The following SYN2 variants were observed in gnomAD, a reference collection of about 807,000 sequenced individuals.
SYN2 encodes synapsin-2.
A neutral mutation model predicts 50.9 loss-of-function variants in SYN2; 19 were observed. The ratio of observed to expected loss-of-function variants is 0.37; its 90% CI spans 0.26 to 0.55. The LOEUF is 0.55. Among genes scored for constraint, SYN2 ranks in the 20% least tolerant of loss-of-function variants. SYN2 has a pLI of 0.81. For missense variants in SYN2, 587 were observed against 576.4 expected, an observed-to-expected ratio of 1.02 and a Z score of -0.19; for synonymous variants, 255 against 224.9, an observed-to-expected ratio of 1.13 and a Z score of -1.20.
intron 10 of SYN2, among the ~76,000 whole-genome samples, chr3:12,180,321 G>A (rs1698194123): frequency 6.6e-6 from 1 of 151,980 alleles, no homozygotes; most frequent in Non-Finnish European, 1.5e-5. Context: ...CACAAGCACT[G>A]CACTTCACAT....
chr3:12,178,570 C>T (rs1375095813), intron 10 of SYN2, among the ~76,000 whole-genome samples: 1 of 152,186 alleles, frequency 6.6e-6, no homozygotes, highest in Non-Finnish European at 1.5e-5. Flanking sequence ...AAGCAATATA[C>T]AGAAGGCATG....
chr3:12,060,463 G>C (rs1695089792), intron 1 of SYN2, among the ~76,000 whole-genome samples: 1 of 152,112 alleles, frequency 6.6e-6, no homozygotes, highest in Admixed American at 6.6e-5. Flanking sequence ...AGGGGGAAGG[G>C]GAAAGAAACT....
intron 6 of SYN2, 34 bp from the exon 7 acceptor site, chr3:12,161,978 C>T (rs2125236525): frequency 1.2e-6 from 2 of 1,612,416 alleles, no homozygotes; most frequent in East Asian, 4.5e-5. Flanking sequence ...GTGTGTGTCT[C>T]CCTTTCCCCC....
chr3:12,036,798 G>A (rs1420300729), intron 1 of SYN2, among the ~76,000 whole-genome samples: 1 of 152,076 alleles, frequency 6.6e-6, no homozygotes, highest in Admixed American at 6.5e-5. Context: ...TTTATTCTTT[G>A]CCTTTCCAGG....
At chr3:12,150,159 T>C (rs1412522084) in intron 4 of SYN2, among the ~76,000 whole-genome samples, 1 of 152,230 alleles carries the variant, frequency 6.6e-6, no homozygotes, top group Non-Finnish European at 1.5e-5. Context: ...CTTTCTCTGA[T>C]AAATAGATTT....
chr3:12,190,543 G>C lies in SYN2; in HGVS notation c.1667G>C (p.Arg556Pro), dbSNP rs772737200. ...AGCTTCTCTGAGTCCTCCTTCTTCC[G>C]GTCTTCAGCCAATGAGGATGAAGCC... ...AFSFSESSFF[R>P]SSANEDEAKA... The change falls in exon 13 of 13, where the codon CGG (arginine) becomes CCG (proline). Residue 556 changes from arginine to proline, a missense_variant. Physicochemically the swap from Arg to Pro is moderately radical, Grantham distance 103. Transcript: ENST00000621198. 6.2e-7 allele frequency: 1 copy of C among 1,613,500 alleles called. No individual in the cohort carries two copies. The highest frequency in any genetic ancestry group is 1.1e-5 in the South Asian group (1 of 90,972).
intron 1 of SYN2, among the ~76,000 whole-genome samples, chr3:12,098,130 G>A (rs1311976793): frequency 6.6e-6 from 1 of 152,128 alleles, no homozygotes. Context: ...CTTGAAAGTA[G>A]CAAAAGAGAA....
chr3:12,046,489 G>T lies in SYN2; in HGVS notation c.377+41561G>T, dbSNP rs1165580248. On this transcript the variant is annotated intron_variant, in intron 1 of 12. Coordinates refer to ENST00000621198, the MANE Select transcript of SYN2 (RefSeq NM_133625.6). ...GCTTATAGGCTTTGCTAAGGATTTTGCACTTTATTCTCCTACTGTAGAAAT... is the reference window on the plus strand; with the variant it reads ...GCTTATAGGCTTTGCTAAGGATTTTTCACTTTATTCTCCTACTGTAGAAAT... Among the ~76,000 whole-genome samples the T allele has an allele frequency of 5.3e-5, 8 of 152,166 alleles. 1 individual carries two copies. The highest frequency in any genetic ancestry group is 1.9e-4 in the African/African-American group (8 of 41,430).
At chr3:12,160,142 G>GTTGC (rs1177967622) in intron 5 of SYN2, among the ~76,000 whole-genome samples, 4 of 151,890 alleles carry the variant, frequency 2.6e-5, no homozygotes. Context: ...TGGGCACAGT[G>GTTGC]TTGCAAGCCT....
chr3:12,096,876 G>A (rs1695946939), intron 1 of SYN2, among the ~76,000 whole-genome samples: 1 of 152,120 alleles, frequency 6.6e-6, no homozygotes, highest in African/African-American at 2.4e-5. Flanking sequence ...AGAAAAAAAT[G>A]TACAGAGCCT....
chr3:12,157,163 T>C (rs1415702468), intron 5 of SYN2, among the ~76,000 whole-genome samples: 2 of 152,142 alleles, frequency 1.3e-5, no homozygotes, highest in Admixed American at 1.3e-4. Context: ...AGTGGCACCA[T>C]ACACCAGCAG....
intron 1 of SYN2, among the ~76,000 whole-genome samples, chr3:12,134,525 C>T (rs1192792030): frequency 6.6e-6 from 1 of 152,250 alleles, no homozygotes; most frequent in Non-Finnish European, 1.5e-5. Context: ...AATTCCTACT[C>T]ATTCTTTAAG....
intron 1 of SYN2, among the ~76,000 whole-genome samples, chr3:12,130,479 T>C (rs976416414): frequency 1.3e-5 from 2 of 152,184 alleles, no homozygotes; most frequent in Non-Finnish European, 2.9e-5. Flanking sequence ...AATTCTCCTG[T>C]ACTCCACATT....
At chr3:12,127,776 A>G (rs1470344252) in intron 1 of SYN2, among the ~76,000 whole-genome samples, 1 of 152,206 alleles carries the variant, frequency 6.6e-6, no homozygotes, top group Non-Finnish European at 1.5e-5. Context: ...CCAGGAAAAG[A>G]GGATCAAGTC....
chr3:12,113,713 G>A (rs1020659000), intron 1 of SYN2, among the ~76,000 whole-genome samples: 2 of 151,930 alleles, frequency 1.3e-5, no homozygotes, highest in African/African-American at 4.8e-5. Flanking sequence ...TACTAGTTTT[G>A]GTGTTCGATT....
chr3:12,180,621 G>A (rs935643069), intron 10 of SYN2, among the ~76,000 whole-genome samples: 5 of 152,094 alleles, frequency 3.3e-5, no homozygotes, highest in Non-Finnish European at 4.4e-5. Context: ...TCTCCTCCCC[G>A]CCTCCCGTAG....
chr3:12,144,102 A>G (rs1309407028), intron 3 of SYN2, among the ~76,000 whole-genome samples: 1 of 152,176 alleles, frequency 6.6e-6, no homozygotes, highest in Non-Finnish European at 1.5e-5. Flanking sequence ...CTGCCACAGA[A>G]CTGATTCTCT....
chr3:12,112,898 G>C (rs1035632141), intron 1 of SYN2, among the ~76,000 whole-genome samples: 1 of 152,168 alleles, frequency 6.6e-6, no homozygotes, highest in African/African-American at 2.4e-5. Context: ...TAAATTCTAT[G>C]ATAGTCCAGA....
chr3:12,121,073 G>A (rs1406155384), intron 1 of SYN2, among the ~76,000 whole-genome samples: 1 of 152,088 alleles, frequency 6.6e-6, no homozygotes, highest in Non-Finnish European at 1.5e-5. Flanking sequence ...CTTTGCTTAT[G>A]CTATTTGCCC....
Sources: gnomAD v4.1 joint callset for allele counts (sites outside exome capture counted in the v4.1 genomes callset) on GRCh38, gnomAD v4.1.1 for gene constraint, MANE v1.5 for transcripts, NCBI Gene and HGNC (gene_info 2026-07-23, HGNC 2026-07-21) for gene names.